Variants in NPAT observed in about 807,000 individuals in gnomAD.
NPAT encodes the protein protein NPAT.
A neutral mutation model predicts 130.7 loss-of-function variants in NPAT; 52 were observed. The observed-to-expected ratio is 0.40, with a 90% CI of 0.32 to 0.50. NPAT has a LOEUF of 0.50. Ranked by LOEUF, NPAT falls within the 20% of genes least tolerant of loss-of-function variation. The pLI is 0.68. For synonymous variants in NPAT, 580 were observed against 584.8 expected (o/e 0.99, Z 0.12); for missense variants, 1,687 against 1,662.6 (o/e 1.01, Z -0.26).
At chr11:108,212,297 G>A (rs189227524) in intron 1 of NPAT, among the ~76,000 whole-genome samples, 1 of 152,174 alleles carries the variant, frequency 6.6e-6, no homozygotes, top group Admixed American at 6.5e-5. Flanking sequence ...GGCCGAGCTG[G>A]GCGGATCATT....
intron 1 of NPAT, among the ~76,000 whole-genome samples, chr11:108,206,098 G>A (rs1273153941): frequency 2.0e-5 from 3 of 152,294 alleles, no homozygotes; most frequent in African/African-American, 7.2e-5. Flanking sequence ...TTTGTTGTAC[G>A]TAAACTTTCT....
At chr11:108,165,004 T>C (rs2077888089) in intron 15 of NPAT, among the ~76,000 whole-genome samples, 1 of 152,072 alleles carries the variant, frequency 6.6e-6, no homozygotes, top group Non-Finnish European at 1.5e-5. Flanking sequence ...AGTAAGACTC[T>C]GTCTCAAAAA....
Position 108,161,267 on chromosome 11 carries a change from T to A in NPAT, c.3819A>T (p.Ser1273=), listed in dbSNP as rs1359573216. Residue 1273 remains serine (S), a synonymous_variant, in exon 17 of 18, where the codon TCA becomes TCT. Transcript: ENST00000278612. The part of the protein sequence containing the change: ...SDLPVPRTPG[S]GAGEKHKEEP... ...CTTCTTTATGTTTTTCCCCTGCCCC[T>A]GAGCCAGGTGTCCGGGGCACAGGTA... The A allele has an allele frequency of 6.2e-7, 1 of 1,614,188 alleles. No homozygotes were observed. Among genetic ancestry groups the A allele is most frequent in the African/African-American group, 1.3e-5 (1 of 75,034 alleles).
At chr11:108,190,169 T>G (rs2134864711) in intron 5 of NPAT, among the ~76,000 whole-genome samples, 2 of 150,776 alleles carry the variant, frequency 1.3e-5, no homozygotes, top group African/African-American at 4.9e-5. Context: ...AAAAATTAGC[T>G]GGGTGTGGTG....
intron 6 of NPAT, among the ~76,000 whole-genome samples, chr11:108,188,499 A>T (rs1012458306): frequency 6.6e-6 from 1 of 152,154 alleles, no homozygotes; most frequent in Non-Finnish European, 1.5e-5. Context: ...AATGAGGGAG[A>T]TCTTGATGGC....
chr11:108,165,632 TA>T (rs1216185436), intron 15 of NPAT, among the ~76,000 whole-genome samples: 3 of 149,244 alleles, frequency 2.0e-5, no homozygotes, highest in Middle Eastern at 3.2e-3. Context: ...ACCTGGCTAA[TA>T]TTTTTTTTTT....
At chr11:108,193,388 T>C (rs530313942) in intron 3 of NPAT, among the ~76,000 whole-genome samples, 1 of 152,330 alleles carries the variant, frequency 6.6e-6, no homozygotes, top group Admixed American at 6.5e-5. Flanking sequence ...GGGTTATTTT[T>C]GCTAACATAA....
chr11:108,174,417 G>T (rs2077984428), intron 12 of NPAT, among the ~76,000 whole-genome samples: 1 of 152,024 alleles, frequency 6.6e-6, no homozygotes, highest in African/African-American at 2.4e-5. Context: ...AAAGATGAAT[G>T]ATCCAATCTC....
rs1399118114 is a variant in NPAT, at chr11:108,189,184, G to A, written c.478C>T (p.Pro160Ser). 1 of 1,614,068 alleles carries A rather than the reference G, an allele frequency of 6.2e-7. No homozygotes were observed. The highest frequency in any genetic ancestry group is 8.5e-7 in the Non-Finnish European group (1 of 1,180,054). Residue 160 changes from proline (P) to serine (S), a missense_variant, in exon 6 of 18, where the codon CCA (proline) becomes TCA (serine). Physicochemically the swap from Pro to Ser is moderately conservative, Grantham distance 74. Transcript: ENST00000278612. The stretch of plus-strand genomic sequence containing the variant: ...GATGGATCTGAAATTTGGCCACTTG[G>A]TCGAGTAACCTGTGTACCTGTGGAA... ...PPSTGTQVTR[P>S]SGQISDPSRS... is the part of the protein sequence containing the mutation.
At chr11:108,164,351 G>A (rs1183138075) in intron 15 of NPAT, among the ~76,000 whole-genome samples, 2 of 152,210 alleles carry the variant, frequency 1.3e-5, no homozygotes, top group African/African-American at 2.4e-5. Context: ...AAGCCCAGGT[G>A]TAAAAGTTGA....
chr11:108,198,602 T>G (rs972578269), intron 1 of NPAT, among the ~76,000 whole-genome samples: 3 of 151,942 alleles, frequency 2.0e-5, no homozygotes, highest in Non-Finnish European at 4.4e-5. Flanking sequence ...GTAGAGCCCA[T>G]GACCAGAGTG....
intron 15 of NPAT, among the ~76,000 whole-genome samples, chr11:108,162,978 A>G (rs2077866924): frequency 6.6e-6 from 1 of 152,240 alleles, no homozygotes; most frequent in African/African-American, 2.4e-5. Flanking sequence ...GCAAGATATC[A>G]AAACTAGAAA....
intron 1 of NPAT, among the ~76,000 whole-genome samples, chr11:108,218,109 C>T (rs1555049133): frequency 6.6e-6 from 1 of 152,104 alleles, no homozygotes; most frequent in Non-Finnish European, 1.5e-5. Context: ...TCCTTTTATT[C>T]CTAAAAACAA....
chr11:108,167,272 A>C (rs1193833833), intron 15 of NPAT, among the ~76,000 whole-genome samples: 1 of 152,184 alleles, frequency 6.6e-6, no homozygotes, highest in Non-Finnish European at 1.5e-5. Flanking sequence ...ATGCAGTGGC[A>C]TGATCATGGC....
At chr11:108,200,005 T>A (rs553877993) in intron 1 of NPAT, among the ~76,000 whole-genome samples, 1 of 152,342 alleles carries the variant, frequency 6.6e-6, no homozygotes, top group South Asian at 2.1e-4. Context: ...TCATCAGCAG[T>A]GTAATTCAGA....
chr11:108,160,147 CAA>C (rs777274843), intron 17 of NPAT, among the ~76,000 whole-genome samples: 53 of 100,228 alleles, frequency 5.3e-4, no homozygotes, highest in Admixed American at 9.8e-4. Flanking sequence ...GACTCTGTCT[CAA>C]AAAAAAAAAA....
intron 1 of NPAT, among the ~76,000 whole-genome samples, chr11:108,200,146 T>A (rs2134878966): frequency 6.6e-6 from 1 of 152,282 alleles, no homozygotes; most frequent in Middle Eastern, 3.4e-3. Flanking sequence ...CCTACCTGCG[T>A]TTAAGTTGTT....
At chr11:108,180,170 T>C (rs774213773) in intron 10 of NPAT, among the ~76,000 whole-genome samples, 10 of 151,754 alleles carry the variant, frequency 6.6e-5, no homozygotes, top group Non-Finnish European at 1.2e-4. Context: ...CTGTGAAAAA[T>C]ACAAAAATTA....
At chr11:108,178,575 G>T (rs960324139) in intron 10 of NPAT, among the ~76,000 whole-genome samples, 3 of 152,068 alleles carry the variant, frequency 2.0e-5, no homozygotes, top group Admixed American at 6.6e-5. Context: ...TATGGAATCT[G>T]GGCCCAGTGC....
Sources: gnomAD v4.1 joint callset for allele counts (sites outside exome capture counted in the v4.1 genomes callset) on GRCh38, gnomAD v4.1.1 for gene constraint, MANE v1.5 for transcripts, NCBI Gene and HGNC (gene_info 2026-07-23, HGNC 2026-07-21) for gene names.